PGAP2: variants seen among roughly 807,000 people sequenced by gnomAD.
PGAP2 encodes post-GPI attachment to proteins 2.
Under a neutral mutation model 33.2 loss-of-function variants are expected in PGAP2, and 21 were observed. The observed-to-expected ratio is 0.63, with a 90% CI of 0.45 to 0.91. The LOEUF is 0.91. Among genes scored for constraint, PGAP2 ranks in the 40% least tolerant of loss-of-function variants. The probability of loss-of-function intolerance (pLI) is 0.00; values close to 1 mark genes in which losing one functional copy is unlikely to be tolerated. For missense variants in PGAP2, 345 were observed against 424.0 expected (o/e 0.81, Z 1.64); for synonymous variants, 161 against 172.9 (o/e 0.93, Z 0.54).
In PGAP2 at chr11:3,824,097, T is replaced by C. The variant is rs879255233; in HGVS notation, c.563T>C (p.Leu188Ser). ...FGLNVVENLA[L>S]LVLTYVSSSE... The stretch of plus-strand genomic sequence containing the variant: ...CTCAATGTCGTGGAGAACCTCGCGT[T>C]GCTAGTGCTCACTTATGTCTCCTCC... The change falls in exon 4 of 7, where the codon TTG becomes TCG. Residue 188 changes from leucine to serine, a missense_variant. Coordinates refer to ENST00000278243, the MANE Select transcript of PGAP2 (RefSeq NM_014489.4). 4 of 1,614,202 alleles carry C rather than the reference T, an allele frequency of 2.5e-6. No individual in the cohort carries two copies. Among genetic ancestry groups the C allele is most frequent in the Non-Finnish European group, 3.4e-6 (4 of 1,180,046 alleles).
upstream of PGAP2, among the ~76,000 whole-genome samples, chr11:3,805,833 C>T (rs1359057078): frequency 4.0e-5 from 6 of 151,698 alleles, no homozygotes; most frequent in African/African-American, 1.2e-4. Flanking sequence ...ACTACAGGTG[C>T]GCGCCATCAC....
At chr11:3,809,481 C>T (rs896854489) in intron 1 of PGAP2, among the ~76,000 whole-genome samples, 11 of 152,234 alleles carry the variant, frequency 7.2e-5, no homozygotes, top group African/African-American at 2.7e-4. Context: ...TCCCTTGAAC[C>T]TCCTCATCAA....
upstream of PGAP2, among the ~76,000 whole-genome samples, chr11:3,807,485 T>G (rs2134246475): frequency 6.6e-6 from 1 of 151,390 alleles, no homozygotes. Flanking sequence ...TTTTTGTATT[T>G]TTAGTAGAGA....
rs1239166286 is a variant in PGAP2, at chr11:3,825,443, G to A, written c.933G>A (p.Glu311=). 1.5e-5 allele frequency: 24 copies of A among 1,613,450 alleles called. No homozygotes were observed. The highest frequency in any genetic ancestry group is 1.9e-5 in the Non-Finnish European group (23 of 1,179,944). Residue 311 remains glutamate (E), a synonymous_variant, in exon 7 of 7, where the codon GAG becomes GAA. Transcript: ENST00000278243. The part of the protein sequence containing the change: ...NKELLITSQP[E]EKRF ...AGCTGCTCATAACCTCTCAGCCTGA[G>A]GAAAAGCGATTCTGAACCCTTCAGT... is the stretch of plus-strand genomic sequence containing the variant.
At chr11:3,816,852 C>T (rs575721180) in intron 2 of PGAP2, among the ~76,000 whole-genome samples, 51 of 152,286 alleles carry the variant, frequency 3.3e-4, no homozygotes, top group Non-Finnish European at 1.9e-4. Flanking sequence ...TCTGAGCCAA[C>T]GGTCCTTTGT....
chr11:3,804,032 C>G (rs185876976), upstream of PGAP2, among the ~76,000 whole-genome samples: 10 of 151,986 alleles, frequency 6.6e-5, no homozygotes, highest in South Asian at 8.3e-4. Context: ...CTCAGGCGAT[C>G]CGCCTGCCTC....
chr11:3,825,525 G>A lies in PGAP2; in HGVS notation c.*67G>A. On this transcript the variant is annotated 3_prime_UTR_variant, in exon 7 of 7. Transcript: ENST00000278243. Reference sequence around the variant, plus strand: ...AAACAAGAAACACGATACCATTCTGGCCTTCCCCACCCCACATCCTCTCTT... The same window carrying A: ...AAACAAGAAACACGATACCATTCTGACCTTCCCCACCCCACATCCTCTCTT... 6.6e-7 allele frequency: 1 copy of A among 1,521,980 alleles called. No homozygotes were observed. Among genetic ancestry groups the A allele is most frequent in the Admixed American group, 1.9e-5 (1 of 52,324 alleles). The allele number at this position is 1,521,980 out of a possible 1,614,324, so 94.3% of individuals were successfully genotyped here.
chr11:3,814,740 TTTCCTTCTTTTC>T (rs1170239412), intron 2 of PGAP2, among the ~76,000 whole-genome samples: 5 of 104,966 alleles, frequency 4.8e-5, no homozygotes, highest in African/African-American at 1.1e-4. Flanking sequence ...TCTTTCCTTC[TTTCCTTCTTTTC>T]TTTCTTTCTT....
chr11:3,800,409 AG>A, intron 1 of PGAP2, among the ~76,000 whole-genome samples: 1 of 152,348 alleles, frequency 6.6e-6, no homozygotes, highest in Non-Finnish European at 1.5e-5. Flanking sequence ...GGGGATTAGT[AG>A]AGGTGTTGGA....
rs375581724 is a variant in PGAP2, at chr11:3,811,461, C to T, written c.165+37C>T. On this transcript the variant is annotated intron_variant, in intron 2 of 6. Transcript: ENST00000278243. This position sits in a 1 kb window ranked among gnomAD's most constrained non-coding sequence, Gnocchi z 4.6. The stretch of plus-strand genomic sequence containing the variant: ...GGACACTGATACCTCATATTCAGGC[C>T]GATCTGGATCTTCTTTAGATCTTGA... 77 of 1,563,952 alleles carry T rather than the reference C, an allele frequency of 4.9e-5. No homozygotes were observed. The highest frequency in any genetic ancestry group is 4.4e-5 in the Non-Finnish European group (50 of 1,143,364).
intron 1 of PGAP2, among the ~76,000 whole-genome samples, chr11:3,799,473 G>A (rs941199815): frequency 5.9e-5 from 9 of 152,032 alleles, no homozygotes; most frequent in African/African-American, 1.9e-4. Flanking sequence ...CCAGGGAGGC[G>A]GAGATTACAG....
At chr11:3,805,580 T>C (rs2084177327), upstream of PGAP2, among the ~76,000 whole-genome samples, 1 of 142,790 alleles carries the variant, frequency 7.0e-6, no homozygotes, top group Admixed American at 7.0e-5. Flanking sequence ...CCTAAATCAA[T>C]TTTACAGGCT....
intron 2 of PGAP2, chr11:3,816,104 G>GA (rs1217454240): frequency 1.3e-5 from 2 of 152,578 alleles, no homozygotes; most frequent in African/African-American, 4.8e-5. Flanking sequence ...TTGATCCTGG[G>GA]AAGGATGTGT....
chr11:3,820,873 G>C (rs1019813055), intron 3 of PGAP2, among the ~76,000 whole-genome samples: 9 of 152,168 alleles, frequency 5.9e-5, no homozygotes, highest in Non-Finnish European at 1.3e-4. Flanking sequence ...AAGGTAGGTG[G>C]TGTTATACCC....
intron 2 of PGAP2, among the ~76,000 whole-genome samples, 194 bp from the exon 3 acceptor site, chr11:3,817,159 T>G (rs1219125798): frequency 1.3e-5 from 2 of 152,176 alleles, no homozygotes; most frequent in Non-Finnish European, 2.9e-5. Flanking sequence ...TGACCCTGCC[T>G]GTCTCTGCTG....
intron 3 of PGAP2, chr11:3,822,944 T>TG: frequency 6.5e-7 from 1 of 1,543,734 alleles, no homozygotes. Flanking sequence ...GGCATTAAGA[T>TG]GGATGGTGGA....
upstream of PGAP2, among the ~76,000 whole-genome samples, chr11:3,804,683 G>A (rs182240324): frequency 6.6e-6 from 1 of 152,102 alleles, no homozygotes; most frequent in East Asian, 1.9e-4. Context: ...TTTGTATTTT[G>A]TATTTTTATT....
chr11:3,798,469 A>G (rs1408230124), intron 1 of PGAP2, among the ~76,000 whole-genome samples: 2 of 151,974 alleles, frequency 1.3e-5, no homozygotes, highest in East Asian at 3.9e-4. Flanking sequence ...AGCTGGGATT[A>G]CAGGCGTCCG....
upstream of PGAP2, among the ~76,000 whole-genome samples, chr11:3,805,756 G>A (rs557712501): frequency 3.8e-4 from 58 of 150,798 alleles, no homozygotes; most frequent in African/African-American, 1.3e-3. Flanking sequence ...GCGCGATCTC[G>A]GCTCACTGCA....
Sources: gnomAD v4.1 joint callset for allele counts (sites outside exome capture counted in the v4.1 genomes callset) on GRCh38, gnomAD v4.1.1 for gene constraint, Gnocchi (gnomAD v3.1) non-coding constraint, MANE v1.5 for transcripts, NCBI Gene and HGNC (gene_info 2026-07-23, HGNC 2026-07-21) for gene names.